Variants in SLC24A2 observed in about 807,000 individuals in gnomAD.
The protein encoded by SLC24A2 is sodium/potassium/calcium exchanger 2.
SLC24A2 carries 36 observed loss-of-function variants against 62.0 expected under a neutral mutation model. That is an observed-to-expected ratio of 0.58 (90% CI 0.44 to 0.77). The LOEUF (loss-of-function observed/expected upper bound fraction) is 0.77. Among genes scored for constraint, SLC24A2 ranks in the 30% least tolerant of loss-of-function variants. The probability of loss-of-function intolerance (pLI) is 0.00; values close to 1 mark genes in which losing one functional copy is unlikely to be tolerated. For synonymous variants in SLC24A2, 358 were observed against 294.0 expected (o/e 1.22, Z -2.23); for missense variants, 846 against 817.9 (o/e 1.03, Z -0.42).
chr9:19,969,619 G>A, the SLC24A2 span, among the ~76,000 whole-genome samples: 1 of 152,104 alleles, frequency 6.6e-6, no homozygotes, highest in Non-Finnish European at 1.5e-5. Context: ...TCCTGGATAG[G>A]CAATGCCTGT....
the SLC24A2 span, among the ~76,000 whole-genome samples, chr9:20,050,243 A>G: frequency 6.7e-6 from 1 of 149,810 alleles, no homozygotes; most frequent in African/African-American, 2.4e-5. Flanking sequence ...GTCTCTACAA[A>G]AAAAAAAAAA....
At chr9:20,078,989 C>T in the SLC24A2 span, among the ~76,000 whole-genome samples, 1 of 147,062 alleles carries the variant, frequency 6.8e-6, no homozygotes. Context: ...TGTTCGTATG[C>T]TAACCCCTAG....
the SLC24A2 span, among the ~76,000 whole-genome samples, chr9:20,120,843 G>T: frequency 6.6e-6 from 1 of 151,928 alleles, no homozygotes; most frequent in African/African-American, 2.4e-5. Flanking sequence ...ATCAAGGTTG[G>T]TTATCCAATT....
At chr9:20,114,384 A>C in the SLC24A2 span, among the ~76,000 whole-genome samples, 5 of 152,184 alleles carry the variant, frequency 3.3e-5, no homozygotes, top group Admixed American at 1.3e-4. Flanking sequence ...TTGTGGAGCT[A>C]AACTAGTCCT....
At chr9:20,029,500 C>T in the SLC24A2 span, among the ~76,000 whole-genome samples, 1 of 152,182 alleles carries the variant, frequency 6.6e-6, no homozygotes, top group East Asian at 1.9e-4. Flanking sequence ...ACTGCAGCAT[C>T]CATGCTCTTA....
intron 2 of SLC24A2, among the ~76,000 whole-genome samples, chr9:19,636,288 T>TTCCTTTC (rs1564009453): frequency 2.6e-5 from 1 of 38,420 alleles, no homozygotes; most frequent in African/African-American, 9.5e-5. Flanking sequence ...CTTCTTCTCT[T>TTCCTTTC]CTTTTCTTTT....
the SLC24A2 span, among the ~76,000 whole-genome samples, chr9:20,095,069 T>C: frequency 2.6e-5 from 4 of 152,156 alleles, no homozygotes; most frequent in African/African-American, 9.7e-5. Context: ...ACAAATTAAA[T>C]GTAGCAGATA....
At chr9:20,296,140 C>T in the SLC24A2 span, among the ~76,000 whole-genome samples, 4 of 152,162 alleles carry the variant, frequency 2.6e-5, no homozygotes, top group Non-Finnish European at 5.9e-5. Flanking sequence ...CACCTAATTG[C>T]AATAGCCAAG....
At chr9:19,799,648 T>C in the SLC24A2 span, among the ~76,000 whole-genome samples, 1 of 152,204 alleles carries the variant, frequency 6.6e-6, no homozygotes, top group African/African-American at 2.4e-5. Context: ...CTCCTCTAAC[T>C]GCAGTGAGAA....
At chr9:20,171,826 G>C in the SLC24A2 span, among the ~76,000 whole-genome samples, 1 of 151,790 alleles carries the variant, frequency 6.6e-6, no homozygotes, top group Non-Finnish European at 1.5e-5. Flanking sequence ...AGTCAACAAA[G>C]AAAAAATGGA....
intron 2 of SLC24A2, among the ~76,000 whole-genome samples, chr9:19,729,975 T>C (rs1821287909): frequency 1.3e-5 from 2 of 152,078 alleles, no homozygotes; most frequent in African/African-American, 2.4e-5. Flanking sequence ...CATCACTAGG[T>C]ACCCTATGAA....
the SLC24A2 span, among the ~76,000 whole-genome samples, chr9:19,858,191 A>G: frequency 4.6e-5 from 7 of 152,172 alleles, no homozygotes; most frequent in Middle Eastern, 3.2e-3. Context: ...AGAGCCCAGA[A>G]ATAATGCCAC....
the SLC24A2 span, among the ~76,000 whole-genome samples, chr9:19,813,731 C>T: frequency 6.6e-6 from 1 of 151,988 alleles, no homozygotes; most frequent in Admixed American, 6.6e-5. Flanking sequence ...AGGTGGGTGC[C>T]TTTGGGACGT....
At chr9:19,800,669 T>C in the SLC24A2 span, among the ~76,000 whole-genome samples, 2 of 152,214 alleles carry the variant, frequency 1.3e-5, no homozygotes, top group Admixed American at 6.5e-5. Flanking sequence ...CCTTTTTTTT[T>C]CAAAAGCTGC....
chr9:19,622,157 G>C (rs1031373095), intron 3 of SLC24A2, 104 bp downstream of exon 3: 1 of 897,062 alleles, frequency 1.1e-6, no homozygotes, highest in East Asian at 2.5e-5. Flanking sequence ...GTATTCCAAG[G>C]GAGAGAGTAA....
intron 7 of SLC24A2, among the ~76,000 whole-genome samples, chr9:19,560,835 A>T (rs940176858): frequency 6.6e-6 from 1 of 151,312 alleles, no homozygotes; most frequent in South Asian, 2.1e-4. Flanking sequence ...GAGCCATAGA[A>T]AGATCTCTAT....
chr9:19,936,148 C>G, the SLC24A2 span, among the ~76,000 whole-genome samples: 12 of 152,230 alleles, frequency 7.9e-5, no homozygotes, highest in African/African-American at 2.4e-4. Flanking sequence ...ATACCAGAGG[C>G]CTACTTAGCC....
the SLC24A2 span, among the ~76,000 whole-genome samples, chr9:19,828,051 G>A: frequency 1.1e-4 from 16 of 152,208 alleles, no homozygotes; most frequent in Admixed American, 7.2e-4. Flanking sequence ...GTTTTATGAC[G>A]GTCAACATTA....
At chr9:19,850,788 T>C in the SLC24A2 span, among the ~76,000 whole-genome samples, 4 of 151,238 alleles carry the variant, frequency 2.6e-5, no homozygotes, top group Non-Finnish European at 5.9e-5. Flanking sequence ...ATAGCATGTG[T>C]CAATATTTCA....
Sources: gnomAD v4.1 joint callset for allele counts (sites outside exome capture counted in the v4.1 genomes callset) on GRCh38, gnomAD v4.1.1 for gene constraint, MANE v1.5 for transcripts, NCBI Gene and HGNC (gene_info 2026-07-23, HGNC 2026-07-21) for gene names.